The following CSMD1 variants were observed in gnomAD, a reference collection of about 807,000 sequenced individuals.
CSMD1 encodes CUB and Sushi multiple domains 1.
Under a neutral mutation model 417.5 loss-of-function variants are expected in CSMD1, and 213 were observed. The ratio of observed to expected loss-of-function variants is 0.51; its 90% CI spans 0.46 to 0.57. The LOEUF (loss-of-function observed/expected upper bound fraction) is 0.57, where lower values mean the gene tolerates loss of function less well. Among genes scored for constraint, CSMD1 ranks in the 20% least tolerant of loss-of-function variants. The pLI, the probability that CSMD1 is intolerant of heterozygous loss-of-function variation, is 0.00. For missense variants in CSMD1, 6,923 were observed against 4,529.7 expected (o/e 1.53, Z -15.17); for synonymous variants, 2,862 against 1,736.8 (o/e 1.65, Z -16.11).
intron 3 of CSMD1, among the ~76,000 whole-genome samples, chr8:4,369,728 A>G (rs190855894): frequency 9.2e-5 from 14 of 152,148 alleles, no homozygotes; most frequent in African/African-American, 3.4e-4. Context: ...TGGTTTAAAG[A>G]TCGTTTTCTC....
chr8:3,444,526 A>G (rs1338668205), intron 12 of CSMD1, among the ~76,000 whole-genome samples: 1 of 152,110 alleles, frequency 6.6e-6, no homozygotes, highest in Non-Finnish European at 1.5e-5. Flanking sequence ...ACATTTGGCA[A>G]TGTCTGGAGG....
chr8:3,463,973 G>A (rs900125949), intron 12 of CSMD1, among the ~76,000 whole-genome samples: 2 of 152,156 alleles, frequency 1.3e-5, no homozygotes, highest in Non-Finnish European at 2.9e-5. Context: ...TTCATCGGAC[G>A]AAGGAGACAA....
At chr8:3,667,541 G>C (rs568483680) in intron 7 of CSMD1, among the ~76,000 whole-genome samples, 11 of 152,074 alleles carry the variant, frequency 7.2e-5, no homozygotes, top group African/African-American at 1.4e-4. Context: ...AGGTCAGGAA[G>C]GACGTGAGGA....
chr8:4,118,205 T>C (rs1563146144), intron 3 of CSMD1, among the ~76,000 whole-genome samples: 1 of 152,158 alleles, frequency 6.6e-6, no homozygotes, highest in South Asian at 2.1e-4. Context: ...GCTATTAATA[T>C]TAAAAACTAA....
At chr8:3,385,495 A>T (rs1010249567) in intron 18 of CSMD1, among the ~76,000 whole-genome samples, 4 of 152,006 alleles carry the variant, frequency 2.6e-5, no homozygotes, top group Admixed American at 6.6e-5. Flanking sequence ...TTTCTAATTC[A>T]TATCATTTTC....
chr8:4,744,411 G>C (rs1054648730), intron 1 of CSMD1, among the ~76,000 whole-genome samples: 3 of 152,148 alleles, frequency 2.0e-5, no homozygotes, highest in African/African-American at 7.2e-5. Context: ...GTTCTAGCCT[G>C]CGCAGGACAC....
At chr8:3,196,911 C>T (rs1017290422) in intron 33 of CSMD1, among the ~76,000 whole-genome samples, 1 of 152,160 alleles carries the variant, frequency 6.6e-6, no homozygotes. Context: ...ACCATGGATA[C>T]ATCCATGCTG....
chr8:4,969,164 G>A lies in CSMD1; in HGVS notation c.85+25168C>T, dbSNP rs570730835. 7.9e-5 allele frequency among the ~76,000 whole-genome samples: 12 copies of A among 152,200 alleles called. No homozygotes were observed. The South Asian group carries it at 2.5e-3, about 32-fold the overall frequency. On this transcript the variant is annotated intron_variant, in intron 1 of 69. Transcript: ENST00000635120. ...TTGTACTTTATTATACCATTATCAT[G>A]GGATTGCGTGTGTGCGTGTGTGTTG...
intron 4 of CSMD1, among the ~76,000 whole-genome samples, chr8:4,004,833 C>T (rs1815979107): frequency 6.6e-6 from 1 of 152,122 alleles, no homozygotes; most frequent in Non-Finnish European, 1.5e-5. Flanking sequence ...TAAGCTCCGC[C>T]TCCCGGGTTC....
rs76607372 is a variant in CSMD1 at position 4,264,396 on chromosome 8, C to G, written c.415+155557G>C. Among the ~76,000 whole-genome samples, 17 of 152,208 alleles carry G rather than the reference C, an allele frequency of 1.1e-4. No homozygotes were observed. In the East Asian group the frequency reaches 3.3e-3, roughly 29 times the overall value. On this transcript the variant is annotated intron_variant, in intron 3 of 69. Coordinates refer to ENST00000635120, the MANE Select transcript of CSMD1 (RefSeq NM_033225.6). Reference sequence around the variant, plus strand: ...TTTAGAAGATAATACAAGAAACATCCACAGAGGTTGCACATGTATCTAAGG... The same window carrying G: ...TTTAGAAGATAATACAAGAAACATCGACAGAGGTTGCACATGTATCTAAGG...
intron 3 of CSMD1, among the ~76,000 whole-genome samples, chr8:4,087,375 T>C (rs778665415): frequency 2.0e-5 from 3 of 152,226 alleles, no homozygotes; most frequent in Non-Finnish European, 2.9e-5. Context: ...TCAAAGAACA[T>C]GACCTAACAC....
chr8:3,230,346 G>C (rs947403315), intron 26 of CSMD1, 115 bp from the exon 27 acceptor site: 3 of 707,704 alleles, frequency 4.2e-6, no homozygotes, highest in African/African-American at 1.8e-5. Context: ...TAAGTCATTT[G>C]TCTACACATG....
intron 1 of CSMD1, among the ~76,000 whole-genome samples, chr8:4,928,050 C>G (rs1806989422): frequency 2.6e-5 from 4 of 152,190 alleles, no homozygotes. Context: ...ATACAGGATG[C>G]TCACCAGGCC....
intron 5 of CSMD1, among the ~76,000 whole-genome samples, chr8:3,771,979 T>C (rs1468589038): frequency 6.6e-6 from 1 of 151,944 alleles, no homozygotes; most frequent in Non-Finnish European, 1.5e-5. Flanking sequence ...ACAGCATTTA[T>C]CCAATTCTGG....
intron 11 of CSMD1, among the ~76,000 whole-genome samples, chr8:3,488,240 C>A (rs1818172419): frequency 6.6e-6 from 1 of 151,976 alleles, no homozygotes; most frequent in Non-Finnish European, 1.5e-5. Context: ...GTAGCTGGGA[C>A]TGCAGGCATG....
At chr8:4,920,354 G>A (rs10097367) in intron 1 of CSMD1, among the ~76,000 whole-genome samples, 2 of 152,120 alleles carry the variant, frequency 1.3e-5, no homozygotes, top group Admixed American at 6.5e-5. Flanking sequence ...TAATAACAAA[G>A]TATTTAGAGA....
At chr8:3,709,146 A>C (rs535037772) in intron 6 of CSMD1, among the ~76,000 whole-genome samples, 1 of 90,970 alleles carries the variant, frequency 1.1e-5, no homozygotes, top group Non-Finnish European at 2.2e-5. Context: ...ACATTTTAAG[A>C]AGTTTCATTT....
chr8:4,372,718 T>G (rs1323575795), intron 3 of CSMD1, among the ~76,000 whole-genome samples: 1 of 148,244 alleles, frequency 6.7e-6, no homozygotes, highest in African/African-American at 2.5e-5. Flanking sequence ...GAGTTCTCAC[T>G]GTCCAAACCT....
At chr8:4,958,216 G>C (rs994635815) in intron 1 of CSMD1, among the ~76,000 whole-genome samples, 4 of 152,028 alleles carry the variant, frequency 2.6e-5, no homozygotes, top group Non-Finnish European at 4.4e-5. Context: ...TATTTTTATA[G>C]TTTTCATGAA....
Sources: allele counts gnomAD v4.1 joint callset (sites outside exome capture counted in the v4.1 genomes callset), GRCh38; gene constraint gnomAD v4.1.1; transcripts MANE v1.5; gene names NCBI Gene and HGNC (gene_info 2026-07-23, HGNC 2026-07-21).